BMAL1: variants seen among roughly 807,000 people sequenced by gnomAD.
BMAL1 encodes the protein basic helix-loop-helix ARNT like 1.
the BMAL1 span, among the ~76,000 whole-genome samples, chr11:13,338,547 C>T: frequency 2.0e-5 from 3 of 152,172 alleles, no homozygotes; most frequent in East Asian, 3.9e-4. Flanking sequence ...ATATCCTTGC[C>T]CCGTAGGTGG....
At chr11:13,281,275 A>G in the BMAL1 span, among the ~76,000 whole-genome samples, 94,482 of 151,932 alleles carry the variant, frequency 0.62, 30,271 homozygotes, top group Non-Finnish European at 0.71. Flanking sequence ...CCTGCTGTGT[A>G]CCAGGCAATT....
the BMAL1 span, among the ~76,000 whole-genome samples, chr11:13,349,109 T>C: frequency 2.6e-5 from 4 of 152,144 alleles, no homozygotes; most frequent in African/African-American, 9.7e-5. Flanking sequence ...GTCCTTTCAG[T>C]AAGGTGGGAG....
chr11:13,316,646 A>G, the BMAL1 span, among the ~76,000 whole-genome samples: 1 of 152,206 alleles, frequency 6.6e-6, no homozygotes, highest in Non-Finnish European at 1.5e-5. Flanking sequence ...CCAGTTCCCT[A>G]GGGCAACTCA....
chr11:13,321,116 C>T, the BMAL1 span, among the ~76,000 whole-genome samples: 10 of 152,280 alleles, frequency 6.6e-5, no homozygotes, highest in African/African-American at 2.2e-4. Context: ...CCAGCCCTGC[C>T]TTGAAATACT....
At chr11:13,337,582 A>G in the BMAL1 span, among the ~76,000 whole-genome samples, 1 of 152,212 alleles carries the variant, frequency 6.6e-6, no homozygotes, top group East Asian at 1.9e-4. Context: ...TGACCTGCCC[A>G]TTTACCACAT....
chr11:13,358,923 C>G, the BMAL1 span, among the ~76,000 whole-genome samples: 1 of 152,186 alleles, frequency 6.6e-6, no homozygotes, highest in Non-Finnish European at 1.5e-5. Flanking sequence ...GTGCCTGGAT[C>G]CCATCCTTAC....
chr11:13,332,962 CT>C, the BMAL1 span, among the ~76,000 whole-genome samples: 71,733 of 140,982 alleles, frequency 0.51, 18,518 homozygotes, highest in Non-Finnish European at 0.6. Context: ...TCGATACTGT[CT>C]TTTTTTTTTT....
At chr11:13,339,829 AACTT>A in the BMAL1 span, among the ~76,000 whole-genome samples, 1 of 151,930 alleles carries the variant, frequency 6.6e-6, no homozygotes, top group Non-Finnish European at 1.5e-5. Flanking sequence ...CACCCGACAT[AACTT>A]ACTTGTTTCG....
the BMAL1 span, among the ~76,000 whole-genome samples, chr11:13,371,041 T>G: frequency 2.6e-5 from 4 of 152,246 alleles, no homozygotes. Context: ...TGCTTTCTTA[T>G]ACTTGCTGTT....
At chr11:13,282,601 G>A in the BMAL1 span, among the ~76,000 whole-genome samples, 1 of 152,130 alleles carries the variant, frequency 6.6e-6, no homozygotes, top group African/African-American at 2.4e-5. Context: ...ATCCTCCTCT[G>A]CTTTTAGGAC....
the BMAL1 span, among the ~76,000 whole-genome samples, chr11:13,284,581 G>A: frequency 1.8e-4 from 28 of 151,480 alleles, no homozygotes; most frequent in Middle Eastern, 6.9e-3. Flanking sequence ...ATCTGCCATG[G>A]TGTGGTACTG....
the BMAL1 span, among the ~76,000 whole-genome samples, chr11:13,301,003 T>C: frequency 6.6e-6 from 1 of 152,202 alleles, no homozygotes; most frequent in Admixed American, 6.5e-5. Flanking sequence ...AGTGGCGTGA[T>C]CTTGGCTCAC....
the BMAL1 span, among the ~76,000 whole-genome samples, chr11:13,359,886 C>T: frequency 6.6e-6 from 1 of 152,152 alleles, no homozygotes; most frequent in Non-Finnish European, 1.5e-5. Flanking sequence ...TAAATGCCTT[C>T]CACAATATAT....
At chr11:13,278,550 C>CT in the BMAL1 span, among the ~76,000 whole-genome samples, 1 of 152,250 alleles carries the variant, frequency 6.6e-6, no homozygotes, top group African/African-American at 2.4e-5. Flanking sequence ...CCGCCCGCCC[C>CT]TTCGGCCCTG....
At chr11:13,312,386 A>ATTTCCTCCTACTAAT in the BMAL1 span, among the ~76,000 whole-genome samples, 1 of 152,164 alleles carries the variant, frequency 6.6e-6, no homozygotes, top group Admixed American at 6.5e-5. Context: ...GAAGGACTAG[A>ATTTCCTCCTACTAAT]GATAGATCGA....
At chr11:13,295,296 AGTGGTAGAGGGAGAGAGAGAGAGACGAT>A in the BMAL1 span, among the ~76,000 whole-genome samples, 6 of 151,158 alleles carry the variant, frequency 4.0e-5, no homozygotes, top group Admixed American at 1.3e-4. Flanking sequence ...GTTTCATTCT[AGTGGTAGAGGGAGAGAGAGAGAGACGAT>A]GTGGTAGAGG....
At chr11:13,308,055 A>T in the BMAL1 span, among the ~76,000 whole-genome samples, 2 of 152,172 alleles carry the variant, frequency 1.3e-5, no homozygotes, top group African/African-American at 4.8e-5. Context: ...TGTCGCAGCA[A>T]TCTAGGATGG....
chr11:13,321,180 G>A, the BMAL1 span, among the ~76,000 whole-genome samples: 5 of 152,308 alleles, frequency 3.3e-5, no homozygotes, highest in South Asian at 1.0e-3. Flanking sequence ...AGTCCTCAGA[G>A]GATACCAGTT....
At chr11:13,328,047 T>C in the BMAL1 span, among the ~76,000 whole-genome samples, 2 of 152,230 alleles carry the variant, frequency 1.3e-5, no homozygotes, top group African/African-American at 4.8e-5. Context: ...GCTATTTGCA[T>C]TTATTTCCCA....
Sources: allele counts gnomAD v4.1 joint callset (sites outside exome capture counted in the v4.1 genomes callset), GRCh38; gene constraint gnomAD v4.1.1; transcripts MANE v1.5; gene names NCBI Gene and HGNC (gene_info 2026-07-23, HGNC 2026-07-21).